The following LARGE1 variants were observed in gnomAD, a reference collection of about 807,000 sequenced individuals.
The protein encoded by LARGE1 is LARGE xylosyl- and glucuronyltransferase 1, also known as xylosyl- and glucuronyltransferase LARGE1.
In LARGE1, 43 loss-of-function variants were observed where a neutral mutation model predicts 87.6. That is an observed-to-expected ratio of 0.49 (90% confidence interval 0.38 to 0.63). The LOEUF (loss-of-function observed/expected upper bound fraction) is 0.63, where lower values mean the gene tolerates loss of function less well. Ranked by LOEUF, LARGE1 falls within the 30% of genes least tolerant of loss-of-function variation. The pLI, the probability that LARGE1 is intolerant of heterozygous loss-of-function variation, is 0.00. For missense variants in LARGE1, 802 were observed against 1,000.2 expected, an observed-to-expected ratio of 0.80 and a Z score of 2.67; for synonymous variants, 434 against 394.6, an observed-to-expected ratio of 1.10 and a Z score of -1.18.
intron 13 of LARGE1, among the ~76,000 whole-genome samples, chr22:33,281,968 C>T (rs1250413385): frequency 6.6e-6 from 1 of 152,220 alleles, no homozygotes; most frequent in African/African-American, 2.4e-5. Flanking sequence ...CAGTAAAATT[C>T]CGATGGTCTA....
chr22:33,679,037 A>G (rs2081665236), intron 2 of LARGE1, among the ~76,000 whole-genome samples: 3 of 152,232 alleles, frequency 2.0e-5, no homozygotes, highest in Admixed American at 2.0e-4. Context: ...TGGGGACCCC[A>G]GAATCGGCCA....
intron 11 of LARGE1, among the ~76,000 whole-genome samples, chr22:33,241,636 G>GTATGTATATATATATATGTATA (rs1568986778): frequency 6.6e-6 from 1 of 151,532 alleles, no homozygotes; most frequent in Non-Finnish European, 1.5e-5. Context: ...ATGTATATAT[G>GTATGTATATATATATATGTATA]TATATATATG....
chr22:33,704,817 G>T (rs567021943), intron 2 of LARGE1: 3 of 152,416 alleles, frequency 2.0e-5, no homozygotes, highest in African/African-American at 7.2e-5. Context: ...GAATCACTTA[G>T]GTGGCCTCTA....
At chr22:33,585,358 C>G (rs369215451) in intron 5 of LARGE1, among the ~76,000 whole-genome samples, 1 of 152,056 alleles carries the variant, frequency 6.6e-6, no homozygotes, top group Non-Finnish European at 1.5e-5. Flanking sequence ...CACATAGAAA[C>G]GCACACACAG....
intron 5 of LARGE1, among the ~76,000 whole-genome samples, chr22:33,578,961 C>A (rs1239772007): frequency 1.3e-5 from 2 of 152,166 alleles, no homozygotes; most frequent in Non-Finnish European, 2.9e-5. Context: ...TAAAGGACTG[C>A]AAGTGGCCAG....
intron 12 of LARGE1, among the ~76,000 whole-genome samples, chr22:33,296,569 CT>C (rs66851772): frequency 1.5e-3 from 196 of 133,884 alleles, no homozygotes; most frequent in Middle Eastern, 3.9e-3. Flanking sequence ...TTTTTCTTTT[CT>C]TTTTTTTTTT....
intron 2 of LARGE1, among the ~76,000 whole-genome samples, chr22:33,681,556 A>G (rs946437884): frequency 6.6e-6 from 1 of 152,232 alleles, no homozygotes; most frequent in African/African-American, 2.4e-5. Flanking sequence ...AGTACCTGGC[A>G]CATGAGAAGC....
intron 1 of LARGE1, among the ~76,000 whole-genome samples, chr22:33,806,737 C>T (rs1397991139): frequency 3.3e-5 from 5 of 152,136 alleles, no homozygotes; most frequent in African/African-American, 4.8e-5. Flanking sequence ...CTTGGCCGGG[C>T]GTGATGGCTC....
chr22:33,655,423 T>C (rs1466482535), intron 2 of LARGE1, among the ~76,000 whole-genome samples: 1 of 152,188 alleles, frequency 6.6e-6, no homozygotes. Flanking sequence ...TGTTGGAATT[T>C]GGACTGGAAC....
chr22:33,489,275 A>C (rs2069719709), intron 6 of LARGE1, among the ~76,000 whole-genome samples: 2 of 151,940 alleles, frequency 1.3e-5, no homozygotes, highest in Non-Finnish European at 2.9e-5. Context: ...GGGAGAGGGA[A>C]GAGGGCAACT....
intron 9 of LARGE1, among the ~76,000 whole-genome samples, chr22:33,364,976 A>G (rs1030254274): frequency 2.0e-5 from 3 of 152,158 alleles, no homozygotes; most frequent in African/African-American, 4.8e-5. Context: ...GATTACTGGC[A>G]TGAACCACCA....
chr22:33,179,414 T>A (rs1250293157), intron 11 of LARGE1, among the ~76,000 whole-genome samples: 1 of 105,856 alleles, frequency 9.4e-6, no homozygotes, highest in Non-Finnish European at 2.0e-5. Flanking sequence ...AAGGACAAGG[T>A]TAATGACACA....
intron 5 of LARGE1, among the ~76,000 whole-genome samples, chr22:33,581,199 T>C (rs2078509067): frequency 6.6e-6 from 1 of 152,048 alleles, no homozygotes; most frequent in African/African-American, 2.4e-5. Flanking sequence ...AGTGGGAGAG[T>C]TAAAATTTGC....
intron 1 of LARGE1, among the ~76,000 whole-genome samples, chr22:33,837,870 TTCAGGGTGGG>T (rs1186839514): frequency 6.6e-6 from 1 of 152,202 alleles, no homozygotes; most frequent in East Asian, 1.9e-4. Flanking sequence ...TCCACAAAGT[TTCAGGGTGGG>T]AAAGTTGAGG....
intron 1 of LARGE1, among the ~76,000 whole-genome samples, chr22:33,847,595 A>C (rs1462016173): frequency 1.3e-5 from 2 of 152,230 alleles, no homozygotes; most frequent in African/African-American, 4.8e-5. Context: ...GTTGTTGCTG[A>C]ATAAATAGCC....
At chr22:33,240,155 G>A (rs968850390) in intron 11 of LARGE1, among the ~76,000 whole-genome samples, 1 of 152,104 alleles carries the variant, frequency 6.6e-6, no homozygotes, top group African/African-American at 2.4e-5. Flanking sequence ...ATCCTCACCA[G>A]CATTTTGTTT....
At chr22:33,652,392 C>T (rs1396382002) in intron 2 of LARGE1, among the ~76,000 whole-genome samples, 2 of 151,884 alleles carry the variant, frequency 1.3e-5, no homozygotes, top group Non-Finnish European at 2.9e-5. Flanking sequence ...GTATAAAAAC[C>T]CCATCTCCCA....
the LARGE1 span, among the ~76,000 whole-genome samples, chr22:33,076,236 G>A: frequency 1.3e-5 from 2 of 152,102 alleles, no homozygotes; most frequent in African/African-American, 2.4e-5. Flanking sequence ...ATCAGAGTAC[G>A]TGACTTCTTC....
At chr22:33,639,687 T>C (rs2080370714) in intron 3 of LARGE1, among the ~76,000 whole-genome samples, 1 of 152,198 alleles carries the variant, frequency 6.6e-6, no homozygotes, top group South Asian at 2.1e-4. Context: ...GTGACTGTTT[T>C]TTCTTCCGTA....
Sources: allele counts gnomAD v4.1 joint callset (sites outside exome capture counted in the v4.1 genomes callset), GRCh38; gene constraint gnomAD v4.1.1; transcripts MANE v1.5; gene names NCBI Gene and HGNC (gene_info 2026-07-23, HGNC 2026-07-21).